Variants in CHST11 observed in about 807,000 individuals in gnomAD.
The protein encoded by CHST11 is carbohydrate sulfotransferase 11.
CHST11 carries 9 observed loss-of-function variants against 30.4 expected under a neutral mutation model. That is an observed-to-expected ratio of 0.30 (90% CI 0.18 to 0.52). The LOEUF (loss-of-function observed/expected upper bound fraction) is 0.52, where lower values mean the gene tolerates loss of function less well. Among genes scored for constraint, CHST11 ranks in the 20% least tolerant of loss-of-function variants. CHST11 has a pLI of 0.97. For missense variants in CHST11, 348 were observed against 460.6 expected (o/e 0.76, Z 2.24); for synonymous variants, 152 against 187.8 (o/e 0.81, Z 1.56).
At chr12:104,629,587 C>CGA (rs57043189) in intron 2 of CHST11, among the ~76,000 whole-genome samples, 9,918 of 152,190 alleles carry the variant, frequency 0.065, 372 homozygotes, top group East Asian at 0.12. Flanking sequence ...TTTGGGAGGC[C>CGA]GAGGCAGGCA....
At chr12:104,656,664 G>C (rs2039547431) in intron 2 of CHST11, among the ~76,000 whole-genome samples, 1 of 152,204 alleles carries the variant, frequency 6.6e-6, no homozygotes, top group South Asian at 2.1e-4. Flanking sequence ...GCCCCTGCCG[G>C]CTTTGCTCAT....
intron 1 of CHST11, among the ~76,000 whole-genome samples, chr12:104,526,733 G>A (rs1390465101): frequency 6.6e-6 from 1 of 152,158 alleles, no homozygotes; most frequent in Non-Finnish European, 1.5e-5. Flanking sequence ...TAGCTTCTGG[G>A]GGTTCCGAGA....
chr12:104,517,211 G>T (rs545097817), intron 1 of CHST11, among the ~76,000 whole-genome samples: 43 of 152,318 alleles, frequency 2.8e-4, no homozygotes, highest in African/African-American at 9.1e-4. Flanking sequence ...AGAAGCCCAA[G>T]AATTGTCCAG....
At chr12:104,555,869 G>C (rs1474373683) in intron 1 of CHST11, among the ~76,000 whole-genome samples, 2 of 152,246 alleles carry the variant, frequency 1.3e-5, no homozygotes, top group East Asian at 1.9e-4. Flanking sequence ...GCAGCCCTGG[G>C]GGCGTCCAGC....
chr12:104,463,943 G>A (rs1236826714), intron 1 of CHST11, among the ~76,000 whole-genome samples: 2 of 152,120 alleles, frequency 1.3e-5, no homozygotes, highest in African/African-American at 4.8e-5. Flanking sequence ...TTTGAGCCTT[G>A]GGTTTAACTG....
chr12:104,756,747 A>G (rs1487676596), intron 2 of CHST11, among the ~76,000 whole-genome samples: 2 of 151,952 alleles, frequency 1.3e-5, no homozygotes, highest in Non-Finnish European at 2.9e-5. Context: ...AGGTCTCACT[A>G]TGTTGCCAAG....
At chr12:104,665,939 C>T (rs958947289) in intron 2 of CHST11, among the ~76,000 whole-genome samples, 2 of 151,058 alleles carry the variant, frequency 1.3e-5, no homozygotes, top group African/African-American at 4.9e-5. Context: ...CCTGCCTCAG[C>T]CTCCCGAGTA....
At chr12:104,561,478 G>A (rs2038513030) in intron 1 of CHST11, among the ~76,000 whole-genome samples, 1 of 152,170 alleles carries the variant, frequency 6.6e-6, no homozygotes, top group South Asian at 2.1e-4. Context: ...CTAGGTACCA[G>A]CGTGCCTGAC....
At chr12:104,579,183 T>G (rs2038714409) in intron 1 of CHST11, among the ~76,000 whole-genome samples, 1 of 152,204 alleles carries the variant, frequency 6.6e-6, no homozygotes, top group South Asian at 2.1e-4. Flanking sequence ...CTGTTTCCCC[T>G]CCTCCATTCC....
intron 1 of CHST11, among the ~76,000 whole-genome samples, chr12:104,516,263 G>A (rs1565971211): frequency 6.6e-6 from 1 of 152,184 alleles, no homozygotes; most frequent in East Asian, 1.9e-4. Flanking sequence ...TGGGGCAAAT[G>A]TTAGTTGAGA....
chr12:104,502,136 TC>T (rs2037858913), intron 1 of CHST11, among the ~76,000 whole-genome samples: 1 of 152,092 alleles, frequency 6.6e-6, no homozygotes, highest in Non-Finnish European at 1.5e-5. Flanking sequence ...CAAGGGATCT[TC>T]CTGTCTCGAC....
intron 1 of CHST11, among the ~76,000 whole-genome samples, chr12:104,500,690 G>A (rs375111065): frequency 4.8e-4 from 73 of 152,316 alleles, no homozygotes; most frequent in African/African-American, 1.4e-3. Flanking sequence ...CTTAGAAGAG[G>A]AGTTGCAAAT....
intron 2 of CHST11, among the ~76,000 whole-genome samples, chr12:104,747,958 T>C (rs1459718826): frequency 6.6e-6 from 1 of 152,258 alleles, no homozygotes; most frequent in Non-Finnish European, 1.5e-5. Flanking sequence ...TAAAGACTTT[T>C]TCAAACAGTC....
At chr12:104,568,173 G>A (rs924727433) in intron 1 of CHST11, among the ~76,000 whole-genome samples, 4 of 152,138 alleles carry the variant, frequency 2.6e-5, no homozygotes, top group Non-Finnish European at 5.9e-5. Context: ...GCTGTTTAGG[G>A]CCGGGGTCTT....
intron 1 of CHST11, among the ~76,000 whole-genome samples, chr12:104,594,511 T>C (rs923834584): frequency 6.6e-6 from 1 of 152,240 alleles, no homozygotes; most frequent in African/African-American, 2.4e-5. Flanking sequence ...AACTGTGATG[T>C]AGAAGGCTTC....
intron 1 of CHST11, among the ~76,000 whole-genome samples, chr12:104,569,436 T>G (rs1208358259): frequency 6.6e-6 from 1 of 152,206 alleles, no homozygotes; most frequent in Non-Finnish European, 1.5e-5. Context: ...CAGTGTCTCT[T>G]ACAATCTCAG....
intron 1 of CHST11, among the ~76,000 whole-genome samples, chr12:104,488,655 GTA>G (rs1555227277): frequency 4.6e-5 from 7 of 151,180 alleles, no homozygotes; most frequent in African/African-American, 1.7e-4. Context: ...ATGTGTGTGT[GTA>G]TGTGTGCGTG....
intron 2 of CHST11, among the ~76,000 whole-genome samples, chr12:104,627,978 A>T (rs964608436): frequency 4.6e-5 from 7 of 152,220 alleles, no homozygotes; most frequent in Admixed American, 1.3e-4. Flanking sequence ...TGTTTGACAG[A>T]TGACAATGCC....
intron 2 of CHST11, among the ~76,000 whole-genome samples, chr12:104,665,398 A>G (rs2039633174): frequency 6.6e-6 from 1 of 152,226 alleles, no homozygotes; most frequent in African/African-American, 2.4e-5. Flanking sequence ...ATCATAGTCC[A>G]GAAAGTCTTG....
Sources: gnomAD v4.1 joint callset for allele counts (sites outside exome capture counted in the v4.1 genomes callset) on GRCh38, gnomAD v4.1.1 for gene constraint, MANE v1.5 for transcripts, NCBI Gene and HGNC (gene_info 2026-07-23, HGNC 2026-07-21) for gene names.